Variants in C9 observed in about 807,000 individuals in gnomAD.
C9 encodes the protein complement component C9.
In C9, 63 loss-of-function variants were observed where a neutral mutation model predicts 65.4. The ratio of observed to expected loss-of-function variants is 0.96; its 90% CI spans 0.79 to 1.19. The LOEUF is 1.19. C9 is among the 50% of genes most tolerant of loss of function. The pLI is 0.00. For missense variants in C9, 744 were observed against 670.1 expected (o/e 1.11, Z -1.22); for synonymous variants, 229 against 227.9 (o/e 1.00, Z -0.04).
intron 9 of C9, among the ~76,000 whole-genome samples, chr5:39,289,950 G>A (rs1055975631): frequency 2.0e-5 from 3 of 151,846 alleles, no homozygotes; most frequent in Admixed American, 2.0e-4. Flanking sequence ...CATTTAATTA[G>A]ATGTAAAGAA....
intron 1 of C9, among the ~76,000 whole-genome samples, chr5:39,361,837 C>T (rs1040392070): frequency 6.6e-6 from 1 of 152,036 alleles, no homozygotes; most frequent in Admixed American, 6.5e-5. Flanking sequence ...GTTAGAAATC[C>T]CTGACAGTTC....
chr5:39,311,087 A>T (rs1430045133), intron 7 of C9, 50 bp downstream of exon 7: 1 of 1,597,034 alleles, frequency 6.3e-7, no homozygotes. Context: ...GAACAAAATA[A>T]TGTTTGGTCA....
chr5:39,338,114 G>A lies in C9; in HGVS notation c.476+3032C>T, dbSNP rs532501455. On this transcript the variant is annotated intron_variant, in intron 4 of 10. Transcript: ENST00000263408. The stretch of plus-strand genomic sequence containing the variant: ...GAATATTACAAATATAACAATATAT[G>A]TTGTTTTGAAACCTCTTCCTAAATA... Among the ~76,000 whole-genome samples, 22 of 152,260 alleles carry A rather than the reference G, an allele frequency of 1.4e-4. 1 individual carries two copies. Among genetic ancestry groups the A allele is most frequent in the African/African-American group, 4.6e-4 (19 of 41,546 alleles).
chr5:39,343,659 C>G (rs900710781), intron 1 of C9, among the ~76,000 whole-genome samples: 7 of 152,218 alleles, frequency 4.6e-5, no homozygotes, highest in Non-Finnish European at 1.0e-4. Flanking sequence ...CCCTGCCTGA[C>G]AGCTTTGAAG....
intron 8 of C9, among the ~76,000 whole-genome samples, chr5:39,307,578 A>C (rs1181575878): frequency 6.6e-6 from 1 of 152,108 alleles, no homozygotes; most frequent in Non-Finnish European, 1.5e-5. Flanking sequence ...GTTTTTCCTC[A>C]CTTTTGCCTC....
chr5:39,341,486 C>CTT, intron 3 of C9, 70 bp downstream of exon 3: 19 of 1,443,718 alleles, frequency 1.3e-5, no homozygotes, highest in South Asian at 9.4e-5. Flanking sequence ...GAAGCATATG[C>CTT]TTTTTTTTTT....
intron 5 of C9, among the ~76,000 whole-genome samples, chr5:39,319,055 C>A (rs1253686520): frequency 6.6e-6 from 1 of 152,012 alleles, no homozygotes; most frequent in Non-Finnish European, 1.5e-5. Context: ...TCCCCCCAAC[C>A]CTCCCATAGC....
At chr5:39,357,170 C>T (rs1287112140) in intron 1 of C9, among the ~76,000 whole-genome samples, 5 of 152,158 alleles carry the variant, frequency 3.3e-5, no homozygotes. Context: ...TTCCAGGATA[C>T]TTTGTGGTAG....
At chr5:39,313,867 A>G (rs529940901) in intron 6 of C9, among the ~76,000 whole-genome samples, 70 of 152,212 alleles carry the variant, frequency 4.6e-4, no homozygotes, top group Admixed American at 2.4e-3. Flanking sequence ...AAACACCTCA[A>G]ACTTAACCTA....
At chr5:39,358,102 A>G (rs770977196) in intron 1 of C9, among the ~76,000 whole-genome samples, 13 of 152,078 alleles carry the variant, frequency 8.5e-5, no homozygotes, top group Non-Finnish European at 1.8e-4. Context: ...ATCTGACTAC[A>G]CCTATGTGGG....
At chr5:39,295,323 A>G (rs568174622) in intron 9 of C9, among the ~76,000 whole-genome samples, 1 of 151,950 alleles carries the variant, frequency 6.6e-6, no homozygotes, top group African/African-American at 2.4e-5. Context: ...GACTTTACCA[A>G]AATACACTTA....
Position 39,341,145 on chromosome 5 carries a change from C to T in C9, c.476+1G>A. The T allele has an allele frequency of 6.2e-7, 1 of 1,614,114 alleles. No individual in the cohort carries two copies. Among genetic ancestry groups the T allele is most frequent in the Non-Finnish European group, 8.5e-7 (1 of 1,179,984 alleles). Reference sequence around the variant, plus strand: ...TGAAAAAGTACAAGTAAAATACACACCCATAGCCTGCTGTTCGTGCCAGCT... The same window carrying T: ...TGAAAAAGTACAAGTAAAATACACATCCATAGCCTGCTGTTCGTGCCAGCT... On this transcript the variant is annotated splice_donor_variant, in intron 4 of 10. Transcript: ENST00000263408. LOFTEE classifies it high-confidence loss of function.
chr5:39,291,338 A>G (rs1189487045), intron 9 of C9, among the ~76,000 whole-genome samples: 2 of 151,954 alleles, frequency 1.3e-5, no homozygotes, highest in Non-Finnish European at 2.9e-5. Context: ...AAGCAATTTA[A>G]TGAATTGCAA....
At chr5:39,316,485 C>G (rs192658519) in intron 5 of C9, among the ~76,000 whole-genome samples, 1 of 152,142 alleles carries the variant, frequency 6.6e-6, no homozygotes, top group Non-Finnish European at 1.5e-5. Flanking sequence ...TTAGCTATTC[C>G]TCCTGATGCT....
intron 5 of C9, among the ~76,000 whole-genome samples, chr5:39,322,558 T>C (rs1753681732): frequency 6.6e-6 from 1 of 152,036 alleles, no homozygotes; most frequent in Non-Finnish European, 1.5e-5. Context: ...AGAGTTTGTT[T>C]TTTAAAAAAG....
intron 10 of C9, among the ~76,000 whole-genome samples, chr5:39,286,745 G>C (rs1013300036): frequency 6.6e-6 from 1 of 151,824 alleles, no homozygotes; most frequent in Non-Finnish European, 1.5e-5. Flanking sequence ...CAAAGCACTA[G>C]ATTGAGACTT....
At chr5:39,339,750 C>T (rs771935724) in intron 4 of C9, among the ~76,000 whole-genome samples, 6 of 145,962 alleles carry the variant, frequency 4.1e-5, no homozygotes, top group Admixed American at 1.4e-4. Context: ...AGCTGTGCCT[C>T]CTGGGTTCAC....
chr5:39,339,826 AT>A (rs1246732757), intron 4 of C9, among the ~76,000 whole-genome samples: 1 of 151,286 alleles, frequency 6.6e-6, no homozygotes, highest in East Asian at 1.9e-4. Flanking sequence ...TGCCCTGCTG[AT>A]TTTTTGTATT....
chr5:39,331,621 T>G (rs1295406972), intron 5 of C9, 55 bp downstream of exon 5: 1 of 1,514,620 alleles, frequency 6.6e-7, no homozygotes, highest in Non-Finnish European at 9.2e-7. Flanking sequence ...TAAACTTATT[T>G]AAGCAATTTT....
Sources: gnomAD v4.1 joint callset for allele counts (sites outside exome capture counted in the v4.1 genomes callset) on GRCh38, gnomAD v4.1.1 for gene constraint, MANE v1.5 for transcripts, NCBI Gene and HGNC (gene_info 2026-07-23, HGNC 2026-07-21) for gene names.